The following FBXO27 variants were observed in gnomAD, a reference collection of about 807,000 sequenced individuals.
The protein encoded by FBXO27 is F-box only protein 27.
Under a neutral mutation model 28.3 loss-of-function variants are expected in FBXO27, and 28 were observed. That is an observed-to-expected ratio of 0.99 (90% CI 0.73 to 1.36). FBXO27 has a LOEUF of 1.36. FBXO27 is among the 40% of genes most tolerant of loss of function. The probability of loss-of-function intolerance (pLI) is 0.00; values close to 1 mark genes in which losing one functional copy is unlikely to be tolerated. For missense variants in FBXO27, 388 were observed against 394.1 expected, an observed-to-expected ratio of 0.98 and a Z score of 0.13; for synonymous variants, 175 against 167.3, an observed-to-expected ratio of 1.05 and a Z score of -0.36.
intron 4 of FBXO27, among the ~76,000 whole-genome samples, chr19:39,030,056 G>A (rs1187228404): frequency 6.6e-6 from 1 of 152,038 alleles, no homozygotes; most frequent in Non-Finnish European, 1.5e-5. Context: ...TGGCCAGGCT[G>A]GTCTCGAACT....
chr19:39,019,421 T>A (rs2072834610), downstream of FBXO27, among the ~76,000 whole-genome samples: 1 of 57,028 alleles, frequency 1.8e-5, no homozygotes, highest in Admixed American at 3.4e-4. Flanking sequence ...TGAGACTCTG[T>A]CTCAAAAAAA....
Position 39,031,457 on chromosome 19 carries a change from C to T in FBXO27, c.365-137G>A, listed in dbSNP as rs73930259. ...ACCCTTCCCACCGAGGCCCCGCCCC[C>T]TTCCCCTCCCACCAGCTCAGGGCAA... On this transcript the variant is annotated intron_variant, in intron 2 of 5. Transcript: ENST00000292853. 0.012 allele frequency: 8,424 copies of T among 730,842 alleles called. 526 individuals carry two copies. The African/African-American group carries it at 0.13, about 11-fold the overall frequency. 45.3% of individuals were successfully genotyped at this position (730,842 alleles called of 1,614,324 possible). A position where few individuals can be genotyped will look rare whatever the true frequency, so the allele number is the denominator to read the frequency against.
At chr19:39,022,406 G>A (rs963688657), downstream of FBXO27, among the ~76,000 whole-genome samples, 23 of 152,024 alleles carry the variant, frequency 1.5e-4, no homozygotes, top group African/African-American at 4.8e-4. Flanking sequence ...TTCCTACAGT[G>A]TTGGGATTAT....
At position 39,012,246 on chromosome 19, in the gene FBXO27, G is replaced by A. The variant is rs1360384033; in HGVS notation, c.252+2141C>T. ...GTTGCCCAGGCTGGAGTGCAATGGC[G>A]TGATCTTTGCTTACCGCAACCTCAG... On this transcript the variant is annotated intron_variant, in intron 2 of 2. Transcript: ENST00000598394. Among the ~76,000 whole-genome samples, 8 of 148,462 alleles carry A rather than the reference G, an allele frequency of 5.4e-5. No homozygotes were observed. In the South Asian group the frequency reaches 1.1e-3, roughly 20 times the overall value.
intron 2 of FBXO27, among the ~76,000 whole-genome samples, chr19:39,006,173 G>A (rs986067262): frequency 6.6e-6 from 1 of 152,186 alleles, no homozygotes; most frequent in African/African-American, 2.4e-5. Flanking sequence ...TGTAATCTTA[G>A]CACTTGAGGC....
chr19:39,021,288 C>G (rs1600225612), downstream of FBXO27, among the ~76,000 whole-genome samples: 1 of 152,126 alleles, frequency 6.6e-6, no homozygotes. Flanking sequence ...AGCAAAAAGT[C>G]AGACAGAAAC....
chr19:39,010,613 G>T (rs1600222028), intron 2 of FBXO27, among the ~76,000 whole-genome samples: 3 of 152,192 alleles, frequency 2.0e-5, no homozygotes, highest in Admixed American at 6.5e-5. Flanking sequence ...GTTTACCGTT[G>T]CCATCGCAAC....
chr19:39,016,004 G>A (rs1468829979), intron 1 of FBXO27, among the ~76,000 whole-genome samples: 2 of 152,030 alleles, frequency 1.3e-5, no homozygotes, highest in Non-Finnish European at 2.9e-5. Flanking sequence ...CCCGGGAGGC[G>A]GAGGTTGCAG....
At chr19:39,031,636 T>C (rs941527648) in intron 2 of FBXO27, among the ~76,000 whole-genome samples, 9 of 149,990 alleles carry the variant, frequency 6.0e-5, no homozygotes, top group Non-Finnish European at 1.3e-4. Flanking sequence ...GTGCCAATGC[T>C]GCCTCGTCCC....
At chr19:39,029,139 T>A (rs2072888812) in intron 4 of FBXO27, among the ~76,000 whole-genome samples, 1 of 151,626 alleles carries the variant, frequency 6.6e-6, no homozygotes, top group Non-Finnish European at 1.5e-5. Flanking sequence ...AAGAGTGAAT[T>A]TGCTGGCCAG....
chr19:39,011,457 A>T (rs1187681573), intron 2 of FBXO27, among the ~76,000 whole-genome samples: 2 of 152,162 alleles, frequency 1.3e-5, no homozygotes, highest in African/African-American at 4.8e-5. Flanking sequence ...TTTGATAGGC[A>T]TTGCAACTGA....
At chr19:39,020,041 C>T (rs1022459489), downstream of FBXO27, among the ~76,000 whole-genome samples, 1 of 152,146 alleles carries the variant, frequency 6.6e-6, no homozygotes, top group Non-Finnish European at 1.5e-5. Flanking sequence ...GCAGGAGCCA[C>T]ACCTCGCCTG....
intron 4 of FBXO27, among the ~76,000 whole-genome samples, chr19:39,029,579 A>C (rs1436425042): frequency 6.6e-6 from 1 of 152,030 alleles, no homozygotes; most frequent in Non-Finnish European, 1.5e-5. Context: ...TGAGAAAGAG[A>C]TTGGGGAACG....
intron 2 of FBXO27, among the ~76,000 whole-genome samples, chr19:39,008,618 C>A (rs1445902582): frequency 6.6e-6 from 1 of 152,094 alleles, no homozygotes; most frequent in Non-Finnish European, 1.5e-5. Flanking sequence ...CCCAAATCAC[C>A]CCAAACAATC....
chr19:39,022,459 T>C (rs1250854960), downstream of FBXO27, among the ~76,000 whole-genome samples: 5 of 152,086 alleles, frequency 3.3e-5, no homozygotes, highest in Non-Finnish European at 1.5e-5. Context: ...ATATTGTCTT[T>C]TGTTTGAGAC....
chr19:39,022,423 G>T (rs1291548019), downstream of FBXO27, among the ~76,000 whole-genome samples: 1 of 151,948 alleles, frequency 6.6e-6, no homozygotes, highest in African/African-American at 2.4e-5. Flanking sequence ...TTATAGGCGT[G>T]AGCCACCACA....
At chr19:39,029,998 C>G (rs920915100) in intron 4 of FBXO27, among the ~76,000 whole-genome samples, 1 of 152,130 alleles carries the variant, frequency 6.6e-6, no homozygotes, top group South Asian at 2.1e-4. Context: ...CTTACCATGA[C>G]GCCCAGCTAA....
At chr19:39,009,793 GTTT>G (rs891106013) in intron 2 of FBXO27, among the ~76,000 whole-genome samples, 15 of 151,022 alleles carry the variant, frequency 9.9e-5, no homozygotes, top group African/African-American at 1.9e-4. Context: ...AAGTTGTGGG[GTTT>G]TTTTTTTTGT....
intron 2 of FBXO27, among the ~76,000 whole-genome samples, chr19:39,010,257 C>T: frequency 6.6e-6 from 1 of 151,778 alleles, no homozygotes; most frequent in Non-Finnish European, 1.5e-5. Flanking sequence ...AGTCTTAGCT[C>T]TTAGTGTTTG....
Sources: gnomAD v4.1 joint callset for allele counts (sites outside exome capture counted in the v4.1 genomes callset) on GRCh38, gnomAD v4.1.1 for gene constraint, MANE v1.5 for transcripts, NCBI Gene and HGNC (gene_info 2026-07-23, HGNC 2026-07-21) for gene names.